AHCYL1: variants seen among roughly 807,000 people sequenced by gnomAD.
The protein encoded by AHCYL1 is adenosylhomocysteinase like 1.
AHCYL1 carries 20 observed loss-of-function variants against 79.3 expected under a neutral mutation model. The observed-to-expected ratio is 0.25, with a 90% CI of 0.18 to 0.37. The LOEUF is 0.37. Among genes scored for constraint, AHCYL1 ranks in the 10% least tolerant of loss-of-function variants. The pLI is 1.00. For synonymous variants in AHCYL1, 223 were observed against 242.2 expected, an observed-to-expected ratio of 0.92 and a Z score of 0.74; for missense variants, 330 against 673.6, an observed-to-expected ratio of 0.49 and a Z score of 5.65.
chr1:110,017,558 G>A lies in AHCYL1; in HGVS notation c.1027G>A (p.Asp343Asn), dbSNP rs1356487711. 6.2e-7 allele frequency: 1 copy of A among 1,613,992 alleles called. No homozygotes were observed. Among genetic ancestry groups the A allele is most frequent in the Non-Finnish European group, 8.5e-7 (1 of 1,180,002 alleles). The change falls in exon 10 of 17, where the codon GAC becomes AAC. Residue 343 changes from aspartate to asparagine, a missense_variant. Physicochemically the swap from Asp to Asn is conservative, Grantham distance 23. Coordinates refer to ENST00000369799, the MANE Select transcript of AHCYL1 (RefSeq NM_006621.7). ...AGCAATTGTCTACATTACCGAAATC[G>A]ACCCCATCTGTGCTCTGCAGGCCTG... ...LGAIVYITEI[D>N]PICALQACMD...
chr1:109,985,632 G>T, intron 1 of AHCYL1: 1 of 858,102 alleles, frequency 1.2e-6, no homozygotes. Flanking sequence ...TGGGAGGCAA[G>T]AGAAAAGAAT....
Position 110,022,230 on chromosome 1 carries a change from T to A in AHCYL1, c.*550T>A, listed in dbSNP as rs1395394182. 1 of 152,722 alleles carries A rather than the reference T, an allele frequency of 6.5e-6. No homozygotes were observed. Among genetic ancestry groups the A allele is most frequent in the East Asian group, 1.9e-4 (1 of 5,200 alleles). The allele number at this position is 152,722 out of a possible 1,614,324, so 9.5% of individuals were successfully genotyped here. A position where few individuals can be genotyped will look rare whatever the true frequency, so the allele number is the denominator to read the frequency against. ...AGTTCAGAGATGTGTATAATGAGCA[T>A]GGCTTGTTAAGATCAGGAGGCCCAC... On this transcript the variant is annotated 3_prime_UTR_variant, in exon 17 of 17. Transcript: ENST00000369799.
In AHCYL1 at chr1:110,008,908, G is replaced by A. The variant is rs902941311; in HGVS notation, c.121-126G>A. ...GCCTTCCCCCATTTCTGGTGGGAAA[G>A]TTGCTGGCTTAGTAGGAACCATGTG... On this transcript the variant is annotated intron_variant, in intron 1 of 16. Coordinates refer to ENST00000369799, the MANE Select transcript of AHCYL1 (RefSeq NM_006621.7). 4.2e-5 allele frequency: 27 copies of A among 644,152 alleles called. No homozygotes were observed. The Admixed American group carries it at 7.8e-4, about 19-fold the overall frequency. The allele number at this position is 644,152 out of a possible 1,614,324, so 39.9% of individuals were successfully genotyped here. A position where few individuals can be genotyped will look rare whatever the true frequency, so the allele number is the denominator to read the frequency against.
intron 1 of AHCYL1, among the ~76,000 whole-genome samples, chr1:110,005,501 C>CT (rs1650590873): frequency 6.6e-6 from 1 of 152,212 alleles, no homozygotes; most frequent in African/African-American, 2.4e-5. Context: ...TTGCATAGAA[C>CT]TTTCCTGGAG....
chr1:110,018,882 TG>T (rs1485887896), intron 13 of AHCYL1, 168 bp from the exon 14 acceptor site: 24 of 743,506 alleles, frequency 3.2e-5, no homozygotes, highest in Non-Finnish European at 5.2e-5. Flanking sequence ...CAGACTCAGA[TG>T]GATTTGCAGA....
chr1:110,012,935 C>T lies in AHCYL1; in HGVS notation c.516C>T (p.Cys172=). 1 of 1,612,866 alleles carries T rather than the reference C, an allele frequency of 6.2e-7. No individual in the cohort carries two copies. The change falls in exon 5 of 17, where the codon TGC becomes TGT. Residue 172 remains cysteine, a synonymous_variant. Coordinates refer to ENST00000369799, the MANE Select transcript of AHCYL1 (RefSeq NM_006621.7). ...CACTCTGTGCCCTGGGGGCTCAGTG[C>T]CGCTGGTCTGCTTGTAACATCTACT... The part of the protein sequence containing the change: ...IETLCALGAQ[C]RWSACNIYST...
chr1:110,021,567 A>C (rs1412167029), intron 16 of AHCYL1, 107 bp from the exon 17 acceptor site: 4 of 1,083,960 alleles, frequency 3.7e-6, no homozygotes, highest in Non-Finnish European at 4.2e-6. Flanking sequence ...CAGGGATCCC[A>C]CCCAGGCTGG....
intron 1 of AHCYL1, among the ~76,000 whole-genome samples, chr1:110,002,858 T>C (rs1650393991): frequency 6.6e-6 from 1 of 152,236 alleles, no homozygotes; most frequent in African/African-American, 2.4e-5. Context: ...GCCAGAATTT[T>C]AACCTTTTTC....
chr1:109,994,622 T>G (rs1649934602), intron 1 of AHCYL1, among the ~76,000 whole-genome samples: 1 of 152,218 alleles, frequency 6.6e-6, no homozygotes, highest in Admixed American at 6.5e-5. Context: ...AATAGGTGCT[T>G]CCTAGAGATA....
At chr1:110,000,008 G>A (rs186110381) in intron 1 of AHCYL1, among the ~76,000 whole-genome samples, 43 of 152,286 alleles carry the variant, frequency 2.8e-4, no homozygotes, top group African/African-American at 9.6e-4. Context: ...AATGTTTTTA[G>A]TTTAAAAGAA....
intron 15 of AHCYL1, 57 bp from the exon 16 acceptor site, chr1:110,020,674 T>G: frequency 6.6e-7 from 1 of 1,517,230 alleles, no homozygotes; most frequent in Non-Finnish European, 8.8e-7. Flanking sequence ...TGGGAAGTTA[T>G]AACTTGAGAG....
chr1:110,005,701 A>G (rs1321166650), intron 1 of AHCYL1, among the ~76,000 whole-genome samples: 1 of 152,062 alleles, frequency 6.6e-6, no homozygotes, highest in Non-Finnish European at 1.5e-5. Flanking sequence ...TAGCTGGGCT[A>G]TTTAACATCT....
intron 1 of AHCYL1, among the ~76,000 whole-genome samples, chr1:110,003,397 G>T (rs1255696811): frequency 2.6e-5 from 4 of 152,100 alleles, no homozygotes; most frequent in Non-Finnish European, 5.9e-5. Flanking sequence ...TATTCTAGGT[G>T]GAGAGTACAG....
chr1:110,009,254 GT>G (rs1650865019), intron 2 of AHCYL1, 109 bp downstream of exon 2: 1 of 957,776 alleles, frequency 1.0e-6, no homozygotes, highest in Admixed American at 2.5e-5. Flanking sequence ...GCCCACCTTT[GT>G]GCTGAAAACT....
intron 1 of AHCYL1, chr1:109,985,476 G>T: frequency 1.8e-6 from 2 of 1,100,562 alleles, no homozygotes; most frequent in South Asian, 2.6e-5. Flanking sequence ...GTGGGAGGGG[G>T]TGAACCAACT....
At chr1:110,001,998 G>A (rs1362263020) in intron 1 of AHCYL1, among the ~76,000 whole-genome samples, 3 of 152,158 alleles carry the variant, frequency 2.0e-5, no homozygotes, top group Non-Finnish European at 1.5e-5. Context: ...ATTTTGGTGC[G>A]TAATAACATT....
chr1:109,997,786 T>C (rs1650100857), intron 1 of AHCYL1, among the ~76,000 whole-genome samples: 3 of 152,200 alleles, frequency 2.0e-5, no homozygotes, highest in Non-Finnish European at 4.4e-5. Context: ...CTGTGCTAGT[T>C]CCACCTTTAC....
Position 110,012,373 on chromosome 1 carries a change from C to G in AHCYL1, c.388C>G (p.Leu130Val). The G allele has an allele frequency of 6.2e-7, 1 of 1,613,812 alleles. No homozygotes were observed. The change falls in exon 4 of 17, where the codon CTG (leucine) becomes GTG (valine). Residue 130 changes from leucine (L) to valine (V), a missense_variant. Coordinates refer to ENST00000369799, the MANE Select transcript of AHCYL1 (RefSeq NM_006621.7). The stretch of plus-strand genomic sequence containing the variant: ...CTGTTCTTTCACAGACATGTCTGCT[C>G]TGATTTCACTCAGGAAACGTGCTCA... ...IEIAEQDMSA[L>V]ISLRKRAQGE...
At chr1:109,998,626 T>C (rs1261148029) in intron 1 of AHCYL1, among the ~76,000 whole-genome samples, 1 of 152,084 alleles carries the variant, frequency 6.6e-6, no homozygotes, top group Non-Finnish European at 1.5e-5. Flanking sequence ...TATAGGTGCC[T>C]ACCACCACAC....
Sources: gnomAD v4.1 joint callset for allele counts (sites outside exome capture counted in the v4.1 genomes callset) on GRCh38, gnomAD v4.1.1 for gene constraint, MANE v1.5 for transcripts, NCBI Gene and HGNC (gene_info 2026-07-23, HGNC 2026-07-21) for gene names.